CSMD1: variants seen among roughly 807,000 people sequenced by gnomAD.
The protein encoded by CSMD1 is CUB and Sushi multiple domains 1.
A neutral mutation model predicts 417.5 loss-of-function variants in CSMD1; 213 were observed. The ratio of observed to expected loss-of-function variants is 0.51; its 90% confidence interval spans 0.46 to 0.57. The LOEUF is 0.57. Ranked by LOEUF, CSMD1 falls within the 20% of genes least tolerant of loss-of-function variation. CSMD1 has a pLI of 0.00. For missense variants in CSMD1, 6,923 were observed against 4,529.7 expected, an observed-to-expected ratio of 1.53 and a Z score of -15.17; for synonymous variants, 2,862 against 1,736.8, an observed-to-expected ratio of 1.65 and a Z score of -16.11.
intron 28 of CSMD1, among the ~76,000 whole-genome samples, chr8:3,221,097 A>T (rs192633023): frequency 3.9e-5 from 6 of 152,242 alleles, no homozygotes; most frequent in African/African-American, 1.4e-4. Context: ...GGAGATTCGG[A>T]TGATAAAATA....
chr8:4,470,155 T>C (rs1800442058), intron 2 of CSMD1, among the ~76,000 whole-genome samples: 1 of 152,038 alleles, frequency 6.6e-6, no homozygotes, highest in South Asian at 2.1e-4. Flanking sequence ...CAGGTGGCCT[T>C]TGGTTTTCAT....
intron 3 of CSMD1, among the ~76,000 whole-genome samples, chr8:4,093,475 G>T (rs1045517155): frequency 6.6e-6 from 1 of 152,156 alleles, no homozygotes; most frequent in Non-Finnish European, 1.5e-5. Context: ...ATATTAAATA[G>T]AAGTTACATA....
In CSMD1 at chr8:4,323,522, T is replaced by C. The variant is rs140808799; in HGVS notation, c.415+96431A>G. On this transcript the variant is annotated intron_variant, in intron 3 of 69. Transcript: ENST00000635120. ...CTGTTATCAGAAATGTTGCCTGGCA[T>C]AAGGATCCTGACCAGTGTGGGTGAT... 2.2e-3 allele frequency among the ~76,000 whole-genome samples: 329 copies of C among 152,184 alleles called. 1 individual carries two copies. The highest frequency in any genetic ancestry group is 6.0e-3 in the Admixed American group (92 of 15,274).
chr8:4,011,147 A>G lies in CSMD1; in HGVS notation c.611-13037T>C, dbSNP rs574240502. On this transcript the variant is annotated intron_variant, in intron 4 of 69. Transcript: ENST00000635120. Reference sequence around the variant, plus strand: ...ATGTAATCTATAACCTTCAATTTTGATGCCTACTTATAAAATATCTTTCCT... The same window carrying G: ...ATGTAATCTATAACCTTCAATTTTGGTGCCTACTTATAAAATATCTTTCCT... 2.6e-5 allele frequency among the ~76,000 whole-genome samples: 4 copies of G among 152,324 alleles called. No individual in the cohort carries two copies. The East Asian group carries it at 7.7e-4, about 29-fold the overall frequency.
intron 3 of CSMD1, among the ~76,000 whole-genome samples, chr8:4,198,208 A>G (rs534329447): frequency 1.3e-4 from 20 of 152,352 alleles, no homozygotes; most frequent in African/African-American, 4.8e-4. Context: ...CCAAGGTAGC[A>G]AATACAAAGA....
chr8:4,323,303 C>G (rs1388867249), intron 3 of CSMD1, among the ~76,000 whole-genome samples: 1 of 152,124 alleles, frequency 6.6e-6, no homozygotes, highest in Non-Finnish European at 1.5e-5. Flanking sequence ...TTCACACAGT[C>G]TTACTCTATA....
At chr8:3,879,618 G>T (rs964878761) in intron 5 of CSMD1, among the ~76,000 whole-genome samples, 1 of 152,058 alleles carries the variant, frequency 6.6e-6, no homozygotes, top group Non-Finnish European at 1.5e-5. Context: ...TTATTAACTG[G>T]TTTCAGAAAT....
chr8:4,624,132 T>C (rs796096653), intron 2 of CSMD1, among the ~76,000 whole-genome samples: 20 of 152,252 alleles, frequency 1.3e-4, no homozygotes, highest in African/African-American at 4.8e-4. Flanking sequence ...AAAATTCTAA[T>C]TTAGGAAACC....
At chr8:4,072,844 C>G (rs903870271) in intron 3 of CSMD1, among the ~76,000 whole-genome samples, 1 of 152,150 alleles carries the variant, frequency 6.6e-6, no homozygotes, top group Admixed American at 6.5e-5. Flanking sequence ...TTTTCCACTA[C>G]AACAATTTAG....
At chr8:3,502,168 T>C (rs1020070917) in intron 10 of CSMD1, among the ~76,000 whole-genome samples, 7 of 151,514 alleles carry the variant, frequency 4.6e-5, no homozygotes, top group South Asian at 2.1e-4. Flanking sequence ...ATCGAGACCA[T>C]ACTGGCTAAC....
At chr8:4,255,676 G>A (rs1186736357) in intron 3 of CSMD1, among the ~76,000 whole-genome samples, 2 of 152,184 alleles carry the variant, frequency 1.3e-5, no homozygotes. Context: ...TGTATTACGT[G>A]AAGAGTTAAG....
chr8:4,702,888 A>T (rs1807673608), intron 1 of CSMD1, among the ~76,000 whole-genome samples: 1 of 152,202 alleles, frequency 6.6e-6, no homozygotes, highest in Non-Finnish European at 1.5e-5. Flanking sequence ...GTCTCTAAAA[A>T]GTTAATTATG....
chr8:4,612,370 G>A (rs1393870160), intron 2 of CSMD1, among the ~76,000 whole-genome samples: 2 of 152,072 alleles, frequency 1.3e-5, no homozygotes, highest in Non-Finnish European at 2.9e-5. Flanking sequence ...CAAGAGGAAT[G>A]GTTTTCCAAT....
intron 3 of CSMD1, among the ~76,000 whole-genome samples, chr8:4,193,509 G>C (rs906585934): frequency 1.3e-5 from 2 of 152,070 alleles, no homozygotes; most frequent in South Asian, 2.1e-4. Flanking sequence ...CTTCAGTCTT[G>C]CTGATATTAC....
intron 4 of CSMD1, among the ~76,000 whole-genome samples, chr8:4,002,145 G>A (rs888170091): frequency 4.6e-5 from 7 of 152,116 alleles, no homozygotes; most frequent in Non-Finnish European, 8.8e-5. Context: ...GGGATAAAAT[G>A]CTTAAATCAC....
At chr8:2,971,762 G>C (rs1325723454) in intron 57 of CSMD1, among the ~76,000 whole-genome samples, 2 of 152,148 alleles carry the variant, frequency 1.3e-5, no homozygotes, top group African/African-American at 4.8e-5. Context: ...TCAATTTATA[G>C]TGTCATACTT....
At chr8:4,107,123 C>A (rs1425978087) in intron 3 of CSMD1, among the ~76,000 whole-genome samples, 1 of 152,104 alleles carries the variant, frequency 6.6e-6, no homozygotes, top group Non-Finnish European at 1.5e-5. Flanking sequence ...GACTAACAAC[C>A]AAGCATAGTA....
chr8:4,720,670 C>T (rs920049125), intron 1 of CSMD1, among the ~76,000 whole-genome samples: 56 of 152,314 alleles, frequency 3.7e-4, no homozygotes, highest in African/African-American at 1.3e-3. Flanking sequence ...GATCCACCTG[C>T]CTTGGCTTCC....
chr8:3,769,895 G>C (rs1166685011), intron 5 of CSMD1, among the ~76,000 whole-genome samples: 1 of 152,202 alleles, frequency 6.6e-6, no homozygotes, highest in Non-Finnish European at 1.5e-5. Flanking sequence ...TAGCTCTTCA[G>C]GACTTTTGAG....
Sources: gnomAD v4.1 joint callset for allele counts (sites outside exome capture counted in the v4.1 genomes callset) on GRCh38, gnomAD v4.1.1 for gene constraint, MANE v1.5 for transcripts, NCBI Gene and HGNC (gene_info 2026-07-23, HGNC 2026-07-21) for gene names.